Variants in ESRRB observed in about 807,000 individuals in gnomAD.
ESRRB encodes the protein estrogen related receptor beta, also known as steroid hormone receptor ERR2.
A neutral mutation model predicts 46.0 loss-of-function variants in ESRRB; 16 were observed. The observed-to-expected ratio is 0.35, with a 90% CI of 0.24 to 0.53. ESRRB has a LOEUF of 0.53. Ranked by LOEUF, ESRRB falls within the 20% of genes least tolerant of loss-of-function variation. The pLI, the probability that ESRRB is intolerant of heterozygous loss-of-function variation, is 0.93. For synonymous variants in ESRRB, 246 were observed against 259.6 expected (o/e 0.95, Z 0.50); for missense variants, 488 against 607.4 (o/e 0.80, Z 2.07).
At chr14:76,369,930 C>T (rs1434831620), upstream of ESRRB, among the ~76,000 whole-genome samples, 1 of 152,160 alleles carries the variant, frequency 6.6e-6, no homozygotes, top group Non-Finnish European at 1.5e-5. Context: ...GAGGCATAAT[C>T]TGTGAGTTTG....
intron 1 of ESRRB, among the ~76,000 whole-genome samples, chr14:76,326,863 T>C (rs1883936034): frequency 6.6e-6 from 1 of 152,216 alleles, no homozygotes; most frequent in African/African-American, 2.4e-5. Context: ...AGACTTCATA[T>C]GTTTAGATCC....
chr14:76,339,545 C>T (rs1302464059), intron 1 of ESRRB, among the ~76,000 whole-genome samples: 2 of 152,304 alleles, frequency 1.3e-5, no homozygotes, highest in South Asian at 2.1e-4. Flanking sequence ...TGCTTATGGA[C>T]GTGTACTGTA....
At chr14:76,391,751 G>T (rs981969855) in intron 1 of ESRRB, among the ~76,000 whole-genome samples, 2 of 152,190 alleles carry the variant, frequency 1.3e-5, no homozygotes, top group African/African-American at 4.8e-5. Context: ...GTGCTTTGGG[G>T]TGCACCACTA....
intron 1 of ESRRB, among the ~76,000 whole-genome samples, chr14:76,339,767 G>A (rs1281534817): frequency 6.6e-6 from 1 of 152,120 alleles, no homozygotes; most frequent in African/African-American, 2.4e-5. Flanking sequence ...TCTCCCAGCT[G>A]CCTGGCTGCC....
chr14:76,491,786 G>A, intron 6 of ESRRB, 70 bp downstream of exon 6: 1 of 1,471,288 alleles, frequency 6.8e-7, no homozygotes, highest in Non-Finnish European at 9.1e-7. Context: ...GCCCATCCCT[G>A]GGGCCTGTGG....
At chr14:76,384,755 G>C (rs1024898732) in intron 1 of ESRRB, among the ~76,000 whole-genome samples, 12 of 152,292 alleles carry the variant, frequency 7.9e-5, no homozygotes, top group South Asian at 6.2e-4. Flanking sequence ...AGAGGACAAG[G>C]GGGGGTTATG....
In ESRRB at chr14:76,376,171, G is replaced by C; in HGVS notation, c.-231G>C. On this transcript the variant is annotated 5_prime_UTR_variant, in exon 1 of 7. Coordinates refer to ENST00000644823, the MANE Select transcript of ESRRB (RefSeq NM_001379180.1). This position sits in a 1 kb window ranked among gnomAD's most constrained non-coding sequence, Gnocchi z 4.1. ...GTGCCCCAGCCTCCTCCACGGCTTC[G>C]CATCCCCTCTGCCCGCTCTCTCCGG... 1 of 388,402 alleles carries C rather than the reference G, an allele frequency of 2.6e-6. No individual in the cohort carries two copies. Among genetic ancestry groups the C allele is most frequent in the Non-Finnish European group, 4.5e-6 (1 of 220,344 alleles). 24.1% of individuals were successfully genotyped at this position (388,402 alleles called of 1,614,324 possible). A position where few individuals can be genotyped will look rare whatever the true frequency, so the allele number is the denominator to read the frequency against.
chr14:76,420,659 C>A (rs1886916198), intron 1 of ESRRB, among the ~76,000 whole-genome samples: 1 of 110,962 alleles, frequency 9.0e-6, no homozygotes, highest in Admixed American at 9.1e-5. Context: ...CTGTGAGGAA[C>A]AAAGTAATTT....
chr14:76,478,875 AC>A, intron 3 of ESRRB, among the ~76,000 whole-genome samples: 1 of 152,200 alleles, frequency 6.6e-6, no homozygotes, highest in Admixed American at 6.5e-5. Flanking sequence ...TTATGCTGTC[AC>A]TGAAGGGGCT....
At chr14:76,448,829 G>A (rs1196795716) in intron 2 of ESRRB, among the ~76,000 whole-genome samples, 1 of 152,152 alleles carries the variant, frequency 6.6e-6, no homozygotes, top group Non-Finnish European at 1.5e-5. Context: ...ATAGTCAGAT[G>A]TCTGCTTATA....
At chr14:76,319,193 C>T (rs572123128) in intron 1 of ESRRB, among the ~76,000 whole-genome samples, 4 of 152,322 alleles carry the variant, frequency 2.6e-5, no homozygotes, top group South Asian at 2.1e-4. Context: ...ACTGGAGTGT[C>T]ATCTCTGCAC....
chr14:76,313,528 G>A, intron 1 of ESRRB, among the ~76,000 whole-genome samples: 1 of 152,086 alleles, frequency 6.6e-6, no homozygotes, highest in East Asian at 1.9e-4. Flanking sequence ...CCCAAATTGG[G>A]GACAGTGGGG....
chr14:76,496,362 T>G (rs1009047298), intron 6 of ESRRB, among the ~76,000 whole-genome samples: 3 of 97,318 alleles, frequency 3.1e-5, no homozygotes, highest in Non-Finnish European at 4.7e-5. Context: ...GGAGGTAGAC[T>G]CTGAGTGGGG....
chr14:76,426,258 G>A (rs972748104), intron 1 of ESRRB, among the ~76,000 whole-genome samples: 2 of 152,182 alleles, frequency 1.3e-5, no homozygotes, highest in Non-Finnish European at 2.9e-5. Context: ...GGAGGGGAGG[G>A]AGTGGAGTGG....
chr14:76,445,363 C>A (rs541550635), intron 2 of ESRRB, among the ~76,000 whole-genome samples: 2 of 148,042 alleles, frequency 1.4e-5, no homozygotes, highest in African/African-American at 2.5e-5. Flanking sequence ...CCCAGCTACT[C>A]GAGAGGCTGA....
upstream of ESRRB, chr14:76,371,681 A>T (rs1215601484): frequency 6.6e-6 from 1 of 152,238 alleles, no homozygotes; most frequent in Non-Finnish European, 1.5e-5. Context: ...AGGGACAGGG[A>T]TGGCATAAAC....
intron 6 of ESRRB, among the ~76,000 whole-genome samples, chr14:76,493,370 G>T (rs1472146510): frequency 4.6e-5 from 7 of 152,060 alleles, no homozygotes; most frequent in African/African-American, 1.7e-4. Flanking sequence ...GCCCAGGCTG[G>T]TCTCAAACTC....
At chr14:76,342,902 C>G (rs12885469) in intron 1 of ESRRB, among the ~76,000 whole-genome samples, 26,011 of 152,162 alleles carry the variant, frequency 0.17, 2,265 homozygotes, top group South Asian at 0.24. Context: ...CTTTTATGTT[C>G]CAGTAGAAAA....
rs113562033 is a variant in ESRRB at position 76,482,814 on chromosome 14, C to T, written c.850+55C>T. On this transcript the variant is annotated intron_variant, in intron 5 of 6. Transcript: ENST00000644823. This position sits in a 1 kb window ranked among gnomAD's most constrained non-coding sequence, Gnocchi z 4.3. Reference sequence around the variant, plus strand: ...GCCAGGGACTCTCAGCCGGTATCTCCGCAGCCTACCCAATGGCTGTGCTTC... The same window carrying T: ...GCCAGGGACTCTCAGCCGGTATCTCTGCAGCCTACCCAATGGCTGTGCTTC... 7.9e-3 allele frequency: 12,680 copies of T among 1,602,934 alleles called. 106 individuals are homozygous for T. The highest frequency in any genetic ancestry group is 0.011 in the Middle Eastern group (52 of 4,826).
Sources: allele counts gnomAD v4.1 joint callset (sites outside exome capture counted in the v4.1 genomes callset), GRCh38; gene constraint gnomAD v4.1.1; non-coding constraint Gnocchi (gnomAD v3.1); transcripts MANE v1.5; gene names NCBI Gene and HGNC (gene_info 2026-07-23, HGNC 2026-07-21).